Variants in DYNC1LI1 observed in about 807,000 individuals in gnomAD.
DYNC1LI1 encodes cytoplasmic dynein 1 light intermediate chain 1.
DYNC1LI1 carries 19 observed loss-of-function variants against 63.8 expected under a neutral mutation model. The ratio of observed to expected loss-of-function variants is 0.30; its 90% confidence interval spans 0.21 to 0.44. The LOEUF is 0.44. Among genes scored for constraint, DYNC1LI1 ranks in the 20% least tolerant of loss-of-function variants. The pLI is 1.00. For synonymous variants in DYNC1LI1, 225 were observed against 232.3 expected (o/e 0.97, Z 0.28); for missense variants, 565 against 630.2 (o/e 0.90, Z 1.11).
chr3:32,538,247 CAT>C (rs1462162123), intron 5 of DYNC1LI1, among the ~76,000 whole-genome samples: 1 of 146,394 alleles, frequency 6.8e-6, no homozygotes, highest in African/African-American at 2.5e-5. Flanking sequence ...AAAATAAAAA[CAT>C]ATATACGGCA....
chr3:32,528,209 A>G (rs995356430), intron 12 of DYNC1LI1, among the ~76,000 whole-genome samples: 11 of 151,468 alleles, frequency 7.3e-5, no homozygotes, highest in Admixed American at 2.0e-4. Flanking sequence ...AAAGCCATAC[A>G]TTGTATGACT....
At chr3:32,540,948 A>T in intron 5 of DYNC1LI1, 89 bp downstream of exon 5, 1 of 920,700 alleles carries the variant, frequency 1.1e-6, no homozygotes, top group Non-Finnish European at 1.6e-6. Flanking sequence ...TAGGAGAACT[A>T]ATGTGTTAAC....
At chr3:32,560,129 AC>A (rs1698169763) in intron 2 of DYNC1LI1, among the ~76,000 whole-genome samples, 1 of 152,118 alleles carries the variant, frequency 6.6e-6, no homozygotes, top group South Asian at 2.1e-4. Context: ...GAAAAGACAA[AC>A]CCAATTTTGA....
chr3:32,538,699 T>TA (rs879362584), intron 5 of DYNC1LI1, among the ~76,000 whole-genome samples: 1,568 of 140,536 alleles, frequency 0.011, 11 homozygotes, highest in African/African-American at 0.032. Context: ...AGGCTCCATA[T>TA]AAAAAAAAAA....
intron 2 of DYNC1LI1, among the ~76,000 whole-genome samples, chr3:32,547,314 T>G (rs377258572): frequency 1.2e-4 from 18 of 152,286 alleles, no homozygotes; most frequent in African/African-American, 4.1e-4. Flanking sequence ...TGTGAGTATT[T>G]AAATGCTACT....
intron 5 of DYNC1LI1, among the ~76,000 whole-genome samples, chr3:32,537,587 C>G (rs1317075911): frequency 6.6e-6 from 1 of 151,612 alleles, no homozygotes; most frequent in Non-Finnish European, 1.5e-5. Flanking sequence ...TTTTCTGGTG[C>G]TTTTATTCAC....
chr3:32,544,699 G>A (rs897972836), intron 4 of DYNC1LI1, among the ~76,000 whole-genome samples, 177 bp downstream of exon 4: 8 of 150,242 alleles, frequency 5.3e-5, no homozygotes, highest in South Asian at 4.2e-4. Flanking sequence ...CCAAGATTGC[G>A]CCACTGCACT....
intron 2 of DYNC1LI1, among the ~76,000 whole-genome samples, chr3:32,549,848 C>G (rs764343259): frequency 1.9e-4 from 29 of 152,100 alleles, no homozygotes; most frequent in Non-Finnish European, 5.9e-5. Context: ...AGGGTAAAAA[C>G]TTCAGATGAG....
rs551154603 is a variant in DYNC1LI1 at position 32,527,773 on chromosome 3, A to T, written c.1462+673T>A. ...AAACTCAGATGTCCATTACCCAGTA[A>T]ACAGATAAATGAAATGTGGTATAGC... On this transcript the variant is annotated intron_variant, in intron 12 of 12. Transcript: ENST00000273130. Among the ~76,000 whole-genome samples the T allele has an allele frequency of 3.3e-5, 5 of 152,316 alleles. No homozygotes were observed. The East Asian group carries it at 9.6e-4, about 29-fold the overall frequency.
At chr3:32,549,294 T>G (rs1344902082) in intron 2 of DYNC1LI1, among the ~76,000 whole-genome samples, 1 of 150,614 alleles carries the variant, frequency 6.6e-6, no homozygotes, top group Non-Finnish European at 1.5e-5. Flanking sequence ...AATAAGTATA[T>G]CTAGTTGCCT....
Position 32,545,983 on chromosome 3 carries a change from G to A in DYNC1LI1, c.221-18C>T, listed in dbSNP as rs1443570265. 1 of 1,480,340 alleles carries A rather than the reference G, an allele frequency of 6.8e-7. No individual in the cohort carries two copies. Among genetic ancestry groups the A allele is most frequent in the South Asian group, 1.2e-5 (1 of 86,932 alleles). The allele number at this position is 1,480,340 out of a possible 1,614,324, so 91.7% of individuals were successfully genotyped here. ...ATCTTCACCTAGATATGTAAAAAAA[G>A]GATAAATCTTATAAATTATAACACC... On this transcript the variant is annotated intron_variant, in intron 2 of 12. Transcript: ENST00000273130.
At chr3:32,551,430 T>G (rs1202349007) in intron 2 of DYNC1LI1, among the ~76,000 whole-genome samples, 1 of 151,994 alleles carries the variant, frequency 6.6e-6, no homozygotes, top group Non-Finnish European at 1.5e-5. Context: ...AAGCAAAAGG[T>G]GAAAACAAAC....
chr3:32,544,570 C>A (rs1697926730), intron 4 of DYNC1LI1, among the ~76,000 whole-genome samples: 2 of 152,082 alleles, frequency 1.3e-5, no homozygotes. Context: ...GAGTGCGAGA[C>A]CAGCCTGGCC....
At chr3:32,531,229 A>T (rs2125429512) in intron 8 of DYNC1LI1, 1 of 152,352 alleles carries the variant, frequency 6.6e-6, no homozygotes, top group East Asian at 1.9e-4. Flanking sequence ...TAGCCTAATG[A>T]TAAAGACCCA....
intron 2 of DYNC1LI1, among the ~76,000 whole-genome samples, chr3:32,555,014 C>T (rs142469599): frequency 3.3e-5 from 5 of 151,962 alleles, no homozygotes; most frequent in African/African-American, 9.6e-5. Flanking sequence ...GGACTACAGG[C>T]GCATGCCACC....
chr3:32,529,171 CAT>C (rs1468639565), intron 11 of DYNC1LI1, among the ~76,000 whole-genome samples: 4 of 152,152 alleles, frequency 2.6e-5, no homozygotes, highest in Non-Finnish European at 4.4e-5. Flanking sequence ...GGCATAAAAA[CAT>C]AAACTCTTTG....
intron 2 of DYNC1LI1, 128 bp from the exon 3 acceptor site, chr3:32,546,093 A>C: frequency 8.0e-6 from 5 of 625,726 alleles, no homozygotes; most frequent in Non-Finnish European, 8.3e-6. Flanking sequence ...ATGAAATATA[A>C]TGGAGCAGCT....
At chr3:32,535,479 T>C (rs1309298850) in intron 6 of DYNC1LI1, among the ~76,000 whole-genome samples, 1 of 152,210 alleles carries the variant, frequency 6.6e-6, no homozygotes, top group Non-Finnish European at 1.5e-5. Flanking sequence ...TTAACTGGGA[T>C]ACTCATATTT....
intron 2 of DYNC1LI1, among the ~76,000 whole-genome samples, chr3:32,558,856 A>C (rs1225840348): frequency 6.6e-6 from 1 of 152,236 alleles, no homozygotes; most frequent in African/African-American, 2.4e-5. Flanking sequence ...CAAAAAAAAA[A>C]AAAATAATAA....
Sources: gnomAD v4.1 joint callset for allele counts (sites outside exome capture counted in the v4.1 genomes callset) on GRCh38, gnomAD v4.1.1 for gene constraint, MANE v1.5 for transcripts, NCBI Gene and HGNC (gene_info 2026-07-23, HGNC 2026-07-21) for gene names.